The following MECR variants were observed in gnomAD, a reference collection of about 807,000 sequenced individuals.
MECR encodes mitochondrial trans-2-enoyl-CoA reductase.
A neutral mutation model predicts 49.1 loss-of-function variants in MECR; 37 were observed. The ratio of observed to expected loss-of-function variants is 0.75; its 90% CI spans 0.58 to 0.99. MECR has a LOEUF of 0.99. Ranked by LOEUF, MECR falls within the 50% of genes least tolerant of loss-of-function variation. The pLI is 0.00. For missense variants in MECR, 470 were observed against 479.6 expected (o/e 0.98, Z 0.19); for synonymous variants, 198 against 191.1 (o/e 1.04, Z -0.30).
chr1:29,227,156 G>A (rs1182413944), intron 1 of MECR, among the ~76,000 whole-genome samples: 1 of 151,954 alleles, frequency 6.6e-6, no homozygotes, highest in African/African-American at 2.4e-5. Context: ...TAGAGACAGG[G>A]TTTCGACATG....
Position 29,216,694 on chromosome 1 carries a change from A to G in MECR, c.177-9T>C, listed in dbSNP as rs1419495144. 1 of 1,614,218 alleles carries G rather than the reference A, an allele frequency of 6.2e-7. No homozygotes were observed. Among genetic ancestry groups the G allele is most frequent in the Non-Finnish European group, 8.5e-7 (1 of 1,180,026 alleles). On this transcript the variant is annotated splice_polypyrimidine_tract_variant and intron_variant, in intron 1 of 9. Transcript: ENST00000263702. ...GCTCCAGGTTCTTGAGTCTAAGCACAAAGCCAAACGGAGATGTTCATGTCA... is the reference window on the plus strand; with the variant it reads ...GCTCCAGGTTCTTGAGTCTAAGCACGAAGCCAAACGGAGATGTTCATGTCA...
chr1:29,227,802 G>A (rs1682481574), intron 1 of MECR, among the ~76,000 whole-genome samples: 1 of 152,168 alleles, frequency 6.6e-6, no homozygotes, highest in Non-Finnish European at 1.5e-5. Context: ...AACCTTGTAA[G>A]ACATGACTAC....
At chr1:29,225,309 A>G (rs1029235046) in intron 1 of MECR, among the ~76,000 whole-genome samples, 2 of 152,076 alleles carry the variant, frequency 1.3e-5, no homozygotes, top group African/African-American at 4.8e-5. Context: ...GTCTCTGCAC[A>G]TGCAGGTTCC....
the MECR span, among the ~76,000 whole-genome samples, chr1:29,183,107 C>T: frequency 6.6e-6 from 1 of 152,170 alleles, no homozygotes; most frequent in Non-Finnish European, 1.5e-5. Flanking sequence ...GAAAAGTCTT[C>T]GCTGTCCACC....
chr1:29,187,060 C>G, the MECR span, among the ~76,000 whole-genome samples: 1 of 152,216 alleles, frequency 6.6e-6, no homozygotes, highest in East Asian at 1.9e-4. Flanking sequence ...TGTGCCAGGA[C>G]TGAGCCTTCT....
chr1:29,171,322 A>AC, the MECR span: 19 of 150,500 alleles, frequency 1.3e-4, no homozygotes, highest in African/African-American at 4.4e-4. Flanking sequence ...AACCTGAACT[A>AC]CCCTCTCACC....
At chr1:29,185,049 C>T in the MECR span, among the ~76,000 whole-genome samples, 2 of 151,740 alleles carry the variant, frequency 1.3e-5, no homozygotes, top group Admixed American at 1.3e-4. Context: ...TAGCTTGAAC[C>T]CAGGAGGCGG....
intron 1 of MECR, chr1:29,223,111 G>T: frequency 2.0e-6 from 2 of 985,466 alleles, no homozygotes; most frequent in Non-Finnish European, 2.4e-6. Context: ...AACCCAGCCT[G>T]GCTAGATCTC....
intron 1 of MECR, among the ~76,000 whole-genome samples, chr1:29,226,687 G>GT (rs1682146759): frequency 1.3e-5 from 2 of 152,140 alleles, no homozygotes. Flanking sequence ...CATCCTAGCT[G>GT]TAAGATCTCG....
intron 4 of MECR, among the ~76,000 whole-genome samples, chr1:29,203,869 C>T (rs1204708383): frequency 6.6e-6 from 1 of 152,230 alleles, no homozygotes; most frequent in Admixed American, 6.5e-5. Context: ...ATTACAGCTG[C>T]GCTGGAGAAA....
At position 29,195,953 on chromosome 1, in the gene MECR, CCTT is replaced by C; in HGVS notation, c.949_951del (p.Lys317del). On this transcript the variant is annotated inframe_deletion, in exon 9 of 10. Transcript: ENST00000263702. The stretch of plus-strand genomic sequence containing the variant: ...GCCATGCACTCACCTGGACTGTGAT[CCTT>C]CTTCCACTGGGACAACCAAAAGCCT... 1.2e-6 allele frequency: 2 copies of C among 1,614,234 alleles called. No homozygotes were observed. The highest frequency in any genetic ancestry group is 1.7e-6 in the Non-Finnish European group (2 of 1,180,046).
intron 3 of MECR, among the ~76,000 whole-genome samples, chr1:29,208,503 A>G (rs1192859231): frequency 6.6e-6 from 1 of 152,238 alleles, no homozygotes; most frequent in African/African-American, 2.4e-5. Context: ...GAAAAATTCT[A>G]TAAGCTTGAA....
chr1:29,220,517 A>C (rs1361049775), intron 1 of MECR, among the ~76,000 whole-genome samples: 3 of 152,260 alleles, frequency 2.0e-5, no homozygotes, highest in African/African-American at 4.8e-5. Context: ...ATACTCCTGC[A>C]AGATGGGCTC....
In MECR at chr1:29,200,426, C is replaced by T. The variant is rs1675029708; in HGVS notation, c.830+90G>A. 6.4e-6 allele frequency: 8 copies of T among 1,256,320 alleles called. 1 individual carries two copies. Among genetic ancestry groups the T allele is most frequent in the South Asian group, 1.3e-5 (1 of 76,452 alleles). The allele number at this position is 1,256,320 out of a possible 1,614,324, so 77.8% of individuals were successfully genotyped here. On this transcript the variant is annotated intron_variant, in intron 7 of 9. Transcript: ENST00000263702. ...TGTGCTGACCTGGACTTGGCTCGAA[C>T]TGGCGATGGGACTCAGTCACTTGAT...
In MECR at chr1:29,195,941, C is replaced by A. The variant is rs770149194; in HGVS notation, c.964G>T (p.Asp322Tyr). The change falls in exon 9 of 10, where the codon GAC (aspartate) becomes TAC (tyrosine). Residue 322 changes from aspartate to tyrosine, a missense_variant and splice_region_variant. By Grantham distance (160) the Asp-to-Tyr change is radical. Coordinates refer to ENST00000263702, the MANE Select transcript of MECR (RefSeq NM_016011.5). ...TCTTGGCACTGGGCCATGCACTCAC[C>A]TGGACTGTGATCCTTCTTCCACTGG... ...LSQWKKDHSP[D>Y]QFKELILTLC... 6.2e-7 allele frequency: 1 copy of A among 1,614,216 alleles called. No homozygotes were observed. The highest frequency in any genetic ancestry group is 8.5e-7 in the Non-Finnish European group (1 of 1,180,028).
the MECR span, among the ~76,000 whole-genome samples, chr1:29,181,395 CGG>C: frequency 6.6e-6 from 1 of 152,134 alleles, no homozygotes; most frequent in African/African-American, 2.4e-5. Context: ...CAGCCCCACT[CGG>C]GCTTTCCTTC....
chr1:29,181,504 C>T, the MECR span: 2 of 666,264 alleles, frequency 3.0e-6, no homozygotes, highest in East Asian at 3.4e-5. Flanking sequence ...CCCGCGCCCC[C>T]GAGGCGCCGC....
At chr1:29,195,866 A>G in intron 9 of MECR, 75 bp downstream of exon 9, 2 of 1,472,786 alleles carry the variant, frequency 1.4e-6, no homozygotes, top group Admixed American at 3.3e-5. Flanking sequence ...AGGGCTCAGA[A>G]TAGCTGGTCA....
At chr1:29,184,879 C>T in the MECR span, among the ~76,000 whole-genome samples, 1 of 152,184 alleles carries the variant, frequency 6.6e-6, no homozygotes, top group African/African-American at 2.4e-5. Context: ...AATCCCAGCA[C>T]TTTGGGAGGC....
Sources: gnomAD v4.1 joint callset for allele counts (sites outside exome capture counted in the v4.1 genomes callset) on GRCh38, gnomAD v4.1.1 for gene constraint, MANE v1.5 for transcripts, NCBI Gene and HGNC (gene_info 2026-07-23, HGNC 2026-07-21) for gene names.